The following SLC9B1 variants were observed in gnomAD, a reference collection of about 807,000 sequenced individuals.
SLC9B1 encodes sodium/hydrogen exchanger 9B1.
In SLC9B1, 32 loss-of-function variants were observed where a neutral mutation model predicts 51.7. That is an observed-to-expected ratio of 0.62 (90% CI 0.47 to 0.83). SLC9B1 has a LOEUF of 0.83. Among genes scored for constraint, SLC9B1 ranks in the 40% least tolerant of loss-of-function variants. SLC9B1 has a pLI of 0.00. For missense variants in SLC9B1, 406 were observed against 613.2 expected, an observed-to-expected ratio of 0.66 and a Z score of 3.57; for synonymous variants, 145 against 212.7, an observed-to-expected ratio of 0.68 and a Z score of 2.77.
chr4:102,990,052 G>A, intron 2 of SLC9B1, 111 bp from the exon 3 acceptor site: 1 of 845,682 alleles, frequency 1.2e-6, no homozygotes, highest in Non-Finnish European at 1.8e-6. Flanking sequence ...GTCAATGCGA[G>A]GAATCACAGA....
intron 11 of SLC9B1, chr4:102,885,581 T>C: frequency 1.5e-6 from 1 of 675,304 alleles, no homozygotes; most frequent in Non-Finnish European, 2.6e-6. Context: ...AGTTTTCATG[T>C]CATGATAGAT....
At chr4:102,963,799 G>C (rs1479606998) in intron 3 of SLC9B1, among the ~76,000 whole-genome samples, 1 of 152,034 alleles carries the variant, frequency 6.6e-6, no homozygotes, top group African/African-American at 2.4e-5. Flanking sequence ...TTATTTACAG[G>C]ATGCAATTAA....
At chr4:102,982,024 C>A (rs771886456) in intron 3 of SLC9B1, among the ~76,000 whole-genome samples, 1 of 151,646 alleles carries the variant, frequency 6.6e-6, no homozygotes, top group Non-Finnish European at 1.5e-5. Context: ...ATTTATAGAT[C>A]TGTGTTTTAC....
At chr4:102,903,033 G>A (rs1228925070) in intron 11 of SLC9B1, among the ~76,000 whole-genome samples, 8 of 149,728 alleles carry the variant, frequency 5.3e-5, no homozygotes, top group Non-Finnish European at 1.0e-4. Flanking sequence ...GACTCTACTT[G>A]TATAAATAAT....
chr4:102,989,861 T>G lies in SLC9B1; in HGVS notation c.150A>C (p.Thr50=). ...LSDTEEIKPQ[T]KKETYISCPL... is the part of the protein sequence containing the mutation. ...GACAAGAAATGTATGTCTCCTTTTT[T>G]GTCTGTGGTTTTATTTCTTCTGTAT... The change falls in exon 3 of 12, where the codon ACA becomes ACC. Residue 50 remains threonine, a synonymous_variant. Coordinates refer to ENST00000296422, the MANE Select transcript of SLC9B1 (RefSeq NM_139173.4). The G allele has an allele frequency of 6.2e-7, 1 of 1,604,002 alleles. No individual in the cohort carries two copies. The highest frequency in any genetic ancestry group is 1.1e-5 in the South Asian group (1 of 90,208).
chr4:102,998,421 T>C (rs1740339670), intron 1 of SLC9B1, among the ~76,000 whole-genome samples: 1 of 152,204 alleles, frequency 6.6e-6, no homozygotes, highest in Non-Finnish European at 1.5e-5. Context: ...TATCACATTT[T>C]GTTTATCCAT....
chr4:102,906,765 C>G (rs1735079102), intron 9 of SLC9B1, 121 bp from the exon 10 acceptor site: 1 of 643,258 alleles, frequency 1.6e-6, no homozygotes, highest in South Asian at 1.8e-5. Flanking sequence ...GGGTCTTGCT[C>G]TGTTGCCCAG....
intron 3 of SLC9B1, among the ~76,000 whole-genome samples, chr4:102,968,213 G>T (rs1400723914): frequency 6.6e-6 from 1 of 152,172 alleles, no homozygotes; most frequent in Non-Finnish European, 1.5e-5. Flanking sequence ...ATAGTCAATT[G>T]ATTTTCATCA....
At chr4:102,996,431 T>C (rs757046472) in intron 1 of SLC9B1, among the ~76,000 whole-genome samples, 8 of 152,206 alleles carry the variant, frequency 5.3e-5, no homozygotes, top group Admixed American at 1.3e-4. Context: ...GCTTTTGTTG[T>C]TTAAGAAATC....
chr4:103,005,689 T>C (rs750979078), intron 1 of SLC9B1, among the ~76,000 whole-genome samples: 1 of 152,152 alleles, frequency 6.6e-6, no homozygotes, highest in Non-Finnish European at 1.5e-5. Context: ...TACTGTAAAT[T>C]GGCCACATGA....
intron 3 of SLC9B1, among the ~76,000 whole-genome samples, chr4:102,956,108 A>G (rs1737799084): frequency 6.6e-6 from 1 of 152,144 alleles, no homozygotes; most frequent in Non-Finnish European, 1.5e-5. Context: ...GTCTCTAATG[A>G]GACTCTGGTC....
At chr4:102,934,591 C>T (rs1736622769) in intron 6 of SLC9B1, among the ~76,000 whole-genome samples, 1 of 151,870 alleles carries the variant, frequency 6.6e-6, no homozygotes, top group Non-Finnish European at 1.5e-5. Flanking sequence ...GAGTTTGAGA[C>T]CAGCCTGGCC....
At chr4:103,006,094 A>G (rs1740769965) in intron 1 of SLC9B1, among the ~76,000 whole-genome samples, 1 of 152,122 alleles carries the variant, frequency 6.6e-6, no homozygotes, top group Admixed American at 6.5e-5. Context: ...AATAACCAAA[A>G]TTACACCTGA....
At chr4:102,942,948 C>T (rs1373566452) in intron 6 of SLC9B1, among the ~76,000 whole-genome samples, 1 of 151,968 alleles carries the variant, frequency 6.6e-6, no homozygotes, top group Non-Finnish European at 1.5e-5. Context: ...TACTAATATC[C>T]AGAATCTATA....
At chr4:102,940,151 A>C (rs1369740257) in intron 6 of SLC9B1, among the ~76,000 whole-genome samples, 1 of 152,234 alleles carries the variant, frequency 6.6e-6, no homozygotes, top group Non-Finnish European at 1.5e-5. Context: ...TGACTTCAGC[A>C]AAGTTTCAGG....
chr4:102,977,319 G>GA (rs1334686848), intron 3 of SLC9B1, among the ~76,000 whole-genome samples: 1 of 135,154 alleles, frequency 7.4e-6, no homozygotes, highest in Non-Finnish European at 1.6e-5. Flanking sequence ...AAAAAAAACA[G>GA]AAAAAAAGGA....
rs367940550 is a variant in SLC9B1 at position 102,910,600 on chromosome 4, T to C, written c.937-12A>G. ...AATGTAAGTTTTTTCTAGAATTAGA[T>C]AGATATTTAGAAATTAGTTTATATT... On this transcript the variant is annotated splice_polypyrimidine_tract_variant and intron_variant, in intron 8 of 11. Transcript: ENST00000296422. 1.4e-5 allele frequency: 17 copies of C among 1,250,066 alleles called. No individual in the cohort carries two copies. In the Admixed American group the frequency reaches 3.8e-4, roughly 28 times the overall value. The allele number at this position is 1,250,066 out of a possible 1,614,324, so 77.4% of individuals were successfully genotyped here.
chr4:102,926,266 G>C (rs1477994392), intron 7 of SLC9B1, among the ~76,000 whole-genome samples: 1 of 152,224 alleles, frequency 6.6e-6, no homozygotes, highest in East Asian at 1.9e-4. Flanking sequence ...GCAGGAGAAA[G>C]AAATAAATGG....
downstream of SLC9B1, among the ~76,000 whole-genome samples, chr4:102,896,509 T>C (rs1158984644): frequency 6.6e-6 from 1 of 151,956 alleles, no homozygotes; most frequent in Non-Finnish European, 1.5e-5. Context: ...TAGTGAGAGA[T>C]TTTAACAATT....
Sources: gnomAD v4.1 joint callset for allele counts (sites outside exome capture counted in the v4.1 genomes callset) on GRCh38, gnomAD v4.1.1 for gene constraint, MANE v1.5 for transcripts, NCBI Gene and HGNC (gene_info 2026-07-23, HGNC 2026-07-21) for gene names.